The following KBTBD2 variants were observed in gnomAD, a reference collection of about 807,000 sequenced individuals.
The protein encoded by KBTBD2 is kelch repeat and BTB domain-containing protein 2.
A neutral mutation model predicts 57.1 loss-of-function variants in KBTBD2; 17 were observed. That is an observed-to-expected ratio of 0.30 (90% confidence interval 0.20 to 0.45). The LOEUF is 0.45. Among genes scored for constraint, KBTBD2 ranks in the 20% least tolerant of loss-of-function variants. The pLI, the probability that KBTBD2 is intolerant of heterozygous loss-of-function variation, is 1.00. For synonymous variants in KBTBD2, 267 were observed against 262.7 expected, an observed-to-expected ratio of 1.02 and a Z score of -0.16; for missense variants, 515 against 750.6, an observed-to-expected ratio of 0.69 and a Z score of 3.67.
Position 32,869,759 on chromosome 7 carries a change from T to C in KBTBD2, c.1458A>G (p.Arg486=), listed in dbSNP as rs774113286. 1 of 1,613,772 alleles carries C rather than the reference T, an allele frequency of 6.2e-7. No homozygotes were observed. Among genetic ancestry groups the C allele is most frequent in the Non-Finnish European group, 8.5e-7 (1 of 1,179,974 alleles). ...GLHIATNSGI[R]LPSGTVDGSS... is the part of the protein sequence containing the mutation. ...ACCCATCTACAGTGCCAGAGGGGAG[T>C]CTTATGCCGGAATTGGTAGCAATAT... Residue 486 remains arginine, a synonymous_variant, in exon 4 of 4, where the codon AGA becomes AGG. Coordinates refer to ENST00000304056, the MANE Select transcript of KBTBD2 (RefSeq NM_015483.3).
Position 32,870,770 on chromosome 7 carries a change from T to C in KBTBD2, c.447A>G (p.Lys149=), listed in dbSNP as rs1784155761. ...GCTCCACCATTCTTTTAGCACTCTG[T>C]TTTAATTCCTCACAACTGAAGAGAT... is the stretch of plus-strand genomic sequence containing the variant. ...FADLFSCEEL[K]QSAKRMVEHK... Residue 149 remains lysine (K), a synonymous_variant, in exon 4 of 4, where the codon AAA becomes AAG. Coordinates refer to ENST00000304056, the MANE Select transcript of KBTBD2 (RefSeq NM_015483.3). 1 of 1,614,162 alleles carries C rather than the reference T, an allele frequency of 6.2e-7. No individual in the cohort carries two copies. The highest frequency in any genetic ancestry group is 1.3e-5 in the African/African-American group (1 of 75,074).
intron 2 of KBTBD2, among the ~76,000 whole-genome samples, chr7:32,877,928 G>A (rs59967693): frequency 6.6e-6 from 1 of 151,752 alleles, no homozygotes; most frequent in Admixed American, 6.6e-5. Flanking sequence ...GGGCAACATG[G>A]TGAAACCCCG....
intron 1 of KBTBD2, among the ~76,000 whole-genome samples, chr7:32,886,978 G>A (rs536098946): frequency 7.9e-5 from 12 of 151,262 alleles, no homozygotes; most frequent in African/African-American, 2.9e-4. Flanking sequence ...AGGCAATGAG[G>A]GGGGATAGAT....
chr7:32,876,223 G>C (rs552985541), intron 2 of KBTBD2, among the ~76,000 whole-genome samples: 4 of 152,152 alleles, frequency 2.6e-5, no homozygotes, highest in African/African-American at 4.8e-5. Flanking sequence ...TGCATGTAGC[G>C]GTCAACAGTG....
chr7:32,877,024 T>C (rs1011657770), intron 2 of KBTBD2, among the ~76,000 whole-genome samples: 7 of 116,298 alleles, frequency 6.0e-5, no homozygotes, highest in Non-Finnish European at 1.0e-4. Context: ...GGTGCTTTTC[T>C]TTTTCTTTTT....
chr7:32,885,335 A>G (rs1301686759), intron 1 of KBTBD2, among the ~76,000 whole-genome samples: 1 of 152,002 alleles, frequency 6.6e-6, no homozygotes, highest in African/African-American at 2.4e-5. Flanking sequence ...TCTAATTTAT[A>G]TATATTCCAC....
At chr7:32,889,717 T>C (rs1325419549) in intron 1 of KBTBD2, among the ~76,000 whole-genome samples, 1 of 152,262 alleles carries the variant, frequency 6.6e-6, no homozygotes, top group Non-Finnish European at 1.5e-5. Flanking sequence ...TTTGAAATTT[T>C]CACTCATATT....
chr7:32,869,336 A>C lies in KBTBD2; in HGVS notation c.*9T>G. 6.3e-7 allele frequency: 1 copy of C among 1,580,968 alleles called. No individual in the cohort carries two copies. The highest frequency in any genetic ancestry group is 8.6e-7 in the Non-Finnish European group (1 of 1,160,656). ...CATAACTCAGGCGTGCACTCCCTGA[A>C]CTTCCCCACTATACAGGTGGTAGTG... On this transcript the variant is annotated 3_prime_UTR_variant, in exon 4 of 4. Coordinates refer to ENST00000304056, the MANE Select transcript of KBTBD2 (RefSeq NM_015483.3).
chr7:32,882,584 T>C (rs1348580322), intron 1 of KBTBD2, among the ~76,000 whole-genome samples: 3 of 152,218 alleles, frequency 2.0e-5, no homozygotes, highest in Non-Finnish European at 4.4e-5. Context: ...TAATCCAGGA[T>C]ACATTTTCTT....
chr7:32,885,100 T>G (rs982008643), intron 1 of KBTBD2, among the ~76,000 whole-genome samples: 49 of 150,862 alleles, frequency 3.2e-4, no homozygotes, highest in Non-Finnish European at 3.7e-4. Context: ...GGTCTTGAAC[T>G]CCTACGTTCA....
chr7:32,886,577 T>C (rs940056745), intron 1 of KBTBD2, among the ~76,000 whole-genome samples: 43 of 152,198 alleles, frequency 2.8e-4, no homozygotes, highest in African/African-American at 9.9e-4. Context: ...CTGAGTGTCC[T>C]TGGATTTTCA....
At position 32,875,166 on chromosome 7, in the gene KBTBD2, G is replaced by C. The variant is rs760006007; in HGVS notation, c.171-9C>G. ...CACTCATAAACATGGCCCTACAGGGGAGATGAAGAAAACAAAGTTGTAAGG... is the reference window on the plus strand; with the variant it reads ...CACTCATAAACATGGCCCTACAGGGCAGATGAAGAAAACAAAGTTGTAAGG... On this transcript the variant is annotated splice_polypyrimidine_tract_variant and intron_variant, in intron 2 of 3. Coordinates refer to ENST00000304056, the MANE Select transcript of KBTBD2 (RefSeq NM_015483.3). 1.9e-6 allele frequency: 3 copies of C among 1,611,454 alleles called. No individual in the cohort carries two copies. The highest frequency in any genetic ancestry group is 2.5e-6 in the Non-Finnish European group (3 of 1,178,928).
intron 1 of KBTBD2, among the ~76,000 whole-genome samples, 174 bp downstream of exon 1, chr7:32,891,362 C>A (rs1407357437): frequency 2.7e-5 from 4 of 148,922 alleles, no homozygotes; most frequent in Non-Finnish European, 6.0e-5. Flanking sequence ...GCCGCCCGCG[C>A]CCCTCCCCCG....
chr7:32,878,516 G>A (rs1784371108), intron 2 of KBTBD2, among the ~76,000 whole-genome samples: 1 of 150,936 alleles, frequency 6.6e-6, no homozygotes, highest in African/African-American at 2.4e-5. Context: ...AGAGGCAGAG[G>A]TTGCAGTGAG....
intron 1 of KBTBD2, among the ~76,000 whole-genome samples, chr7:32,883,999 CTTAATCTTTTTCTTTCAAACTTTTA>C (rs1220875930): frequency 6.6e-6 from 1 of 152,156 alleles, no homozygotes; most frequent in African/African-American, 2.4e-5. Flanking sequence ...ATGTAGCTAT[CTTAATCTTTTTCTTTCAAACTTTTA>C]ATAGAGACAT....
In KBTBD2 at chr7:32,874,794, C is replaced by T. The variant is rs769551199; in HGVS notation, c.336+198G>A. ...GGATCACGAGGTCAGGAGATCAAGA[C>T]CAGCCTGACCAACATGGTGAAACCC... On this transcript the variant is annotated intron_variant, in intron 3 of 3. Coordinates refer to ENST00000304056, the MANE Select transcript of KBTBD2 (RefSeq NM_015483.3). 1.1e-5 allele frequency: 5 copies of T among 436,830 alleles called. No individual in the cohort carries two copies. In the South Asian group the frequency reaches 1.4e-4, roughly 12 times the overall value. The allele number at this position is 436,830 out of a possible 1,614,324, so 27.1% of individuals were successfully genotyped here.
chr7:32,888,611 GTTT>G (rs1784642678), intron 1 of KBTBD2, among the ~76,000 whole-genome samples: 1 of 148,996 alleles, frequency 6.7e-6, no homozygotes, highest in Non-Finnish European at 1.5e-5. Context: ...AATCTATCAA[GTTT>G]TAAAAATTTC....
At chr7:32,875,199 G>A (rs1784282893) in intron 2 of KBTBD2, 42 bp from the exon 3 acceptor site, 52 of 1,553,786 alleles carry the variant, frequency 3.3e-5, no homozygotes, top group Non-Finnish European at 4.6e-5. Flanking sequence ...AGGGTTTTGT[G>A]TAAAACAAAT....
At chr7:32,879,306 T>C (rs1784393046) in intron 2 of KBTBD2, 129 bp downstream of exon 2, 1 of 617,168 alleles carries the variant, frequency 1.6e-6, no homozygotes, top group South Asian at 2.2e-5. Context: ...AAGAATGAGA[T>C]TTGCCAAGTA....
Sources: gnomAD v4.1 joint callset for allele counts (sites outside exome capture counted in the v4.1 genomes callset) on GRCh38, gnomAD v4.1.1 for gene constraint, MANE v1.5 for transcripts, NCBI Gene and HGNC (gene_info 2026-07-23, HGNC 2026-07-21) for gene names.